PPP1R14C: variants seen among roughly 807,000 people sequenced by gnomAD.
The protein encoded by PPP1R14C is protein phosphatase 1 regulatory inhibitor subunit 14C.
Under a neutral mutation model 20.4 loss-of-function variants are expected in PPP1R14C, and 16 were observed. The observed-to-expected ratio is 0.78, with a 90% CI of 0.53 to 1.19. PPP1R14C has a LOEUF of 1.19. PPP1R14C is among the 50% of genes most tolerant of loss of function. The probability of loss-of-function intolerance (pLI) is 0.00; values close to 1 mark genes in which losing one functional copy is unlikely to be tolerated. For synonymous variants in PPP1R14C, 91 were observed against 91.0 expected (o/e 1.00, Z 0.00); for missense variants, 211 against 220.1 (o/e 0.96, Z 0.26).
chr6:150,203,622 A>G (rs1204055363), intron 1 of PPP1R14C, among the ~76,000 whole-genome samples: 1 of 152,118 alleles, frequency 6.6e-6, no homozygotes, highest in Non-Finnish European at 1.5e-5. Context: ...TGTGTTAGGA[A>G]ATCTAACACT....
rs567638617 is a variant in PPP1R14C at position 150,237,572 on chromosome 6, A to G, written c.424-11174A>G. 5.3e-5 allele frequency among the ~76,000 whole-genome samples: 8 copies of G among 152,208 alleles called. 1 individual carries two copies. Among genetic ancestry groups the G allele is most frequent in the Admixed American group, 5.2e-4 (8 of 15,296 alleles). The stretch of plus-strand genomic sequence containing the variant: ...AGTGTAGTCTGATGATGATGATGAT[A>G]ACGATGATGACAGTATCAAGCACTT... On this transcript the variant is annotated intron_variant, in intron 3 of 3. Coordinates refer to ENST00000361131, the MANE Select transcript of PPP1R14C (RefSeq NM_030949.3).
chr6:150,149,903 C>G (rs189660918), intron 1 of PPP1R14C, among the ~76,000 whole-genome samples: 27 of 152,262 alleles, frequency 1.8e-4, no homozygotes, highest in Non-Finnish European at 3.4e-4. Context: ...ACTGTTCCTC[C>G]TGTTTCTAGA....
chr6:150,236,271 C>T (rs536159798), intron 3 of PPP1R14C, among the ~76,000 whole-genome samples: 3 of 151,218 alleles, frequency 2.0e-5, no homozygotes, highest in African/African-American at 4.9e-5. Flanking sequence ...GAAAGGTGCC[C>T]AGTAAGTATG....
At chr6:150,218,344 A>T (rs942120476) in intron 3 of PPP1R14C, among the ~76,000 whole-genome samples, 2 of 152,102 alleles carry the variant, frequency 1.3e-5, no homozygotes, top group Non-Finnish European at 2.9e-5. Flanking sequence ...CGGAGCTTGC[A>T]GTGAGCCGAG....
chr6:150,196,219 G>A, intron 1 of PPP1R14C: 4 of 630,372 alleles, frequency 6.3e-6, no homozygotes, highest in Non-Finnish European at 7.9e-6. Flanking sequence ...TGGTCATTGA[G>A]GGCAACTGGG....
intron 3 of PPP1R14C, among the ~76,000 whole-genome samples, chr6:150,227,584 T>C (rs537717271): frequency 3.3e-5 from 5 of 152,216 alleles, no homozygotes; most frequent in African/African-American, 1.2e-4. Flanking sequence ...TCCTTTCTTA[T>C]GTCAGACCCT....
chr6:150,244,852 G>A (rs1481639801), intron 3 of PPP1R14C, among the ~76,000 whole-genome samples: 3 of 151,842 alleles, frequency 2.0e-5, no homozygotes, highest in Non-Finnish European at 2.9e-5. Context: ...TTTCAGGCTG[G>A]TATCTCCAGG....
intron 1 of PPP1R14C, among the ~76,000 whole-genome samples, chr6:150,144,206 G>A (rs769308487): frequency 2.0e-5 from 3 of 152,224 alleles, no homozygotes; most frequent in Non-Finnish European, 4.4e-5. Flanking sequence ...CTCGACGGGT[G>A]CCTCGGTGGA....
intron 1 of PPP1R14C, among the ~76,000 whole-genome samples, chr6:150,154,759 G>A (rs996986109): frequency 1.3e-5 from 2 of 152,044 alleles, no homozygotes; most frequent in Non-Finnish European, 2.9e-5. Flanking sequence ...GCTTGGGTAG[G>A]GACTAGAACG....
intron 3 of PPP1R14C, among the ~76,000 whole-genome samples, chr6:150,238,816 T>G (rs1466557552): frequency 6.6e-6 from 1 of 152,260 alleles, no homozygotes; most frequent in Non-Finnish European, 1.5e-5. Flanking sequence ...ATTTGCTTGG[T>G]GATCGTAGGC....
At chr6:150,151,269 C>T (rs1777244212) in intron 1 of PPP1R14C, among the ~76,000 whole-genome samples, 1 of 152,160 alleles carries the variant, frequency 6.6e-6, no homozygotes, top group Non-Finnish European at 1.5e-5. Context: ...TTCTCATCTT[C>T]CTTAGGAAAC....
In PPP1R14C at chr6:150,143,066, C is replaced by T; in HGVS notation, c.-127C>T. The T allele has an allele frequency of 9.2e-7, 1 of 1,082,846 alleles. No individual in the cohort carries two copies. The highest frequency in any genetic ancestry group is 5.2e-5 in the Admixed American group (1 of 19,318). The allele number at this position is 1,082,846 out of a possible 1,614,324, so 67.1% of individuals were successfully genotyped here. On this transcript the variant is annotated 5_prime_UTR_variant, in exon 1 of 4. Coordinates refer to ENST00000361131, the MANE Select transcript of PPP1R14C (RefSeq NM_030949.3). This position sits in a 1 kb window ranked among gnomAD's most constrained non-coding sequence, Gnocchi z 5.6. ...CCCAGAGCAGCCGGGCGGCTGGGCG[C>T]GCGCGGCGCAGAGCAGGTGCCGGGG... is the stretch of plus-strand genomic sequence containing the variant.
intron 1 of PPP1R14C, among the ~76,000 whole-genome samples, chr6:150,149,675 G>A (rs1777223391): frequency 6.6e-6 from 1 of 152,124 alleles, no homozygotes; most frequent in South Asian, 2.1e-4. Flanking sequence ...GAGACACCAA[G>A]CATAGTACTT....
At chr6:150,237,265 G>A (rs1479453709) in intron 3 of PPP1R14C, among the ~76,000 whole-genome samples, 5 of 152,128 alleles carry the variant, frequency 3.3e-5, no homozygotes, top group African/African-American at 1.2e-4. Flanking sequence ...GTGCAATGGT[G>A]TGATCTCAGC....
intron 1 of PPP1R14C, among the ~76,000 whole-genome samples, chr6:150,186,680 G>T (rs924924547): frequency 1.3e-5 from 2 of 152,200 alleles, no homozygotes; most frequent in African/African-American, 2.4e-5. Context: ...CCAAGGTGGG[G>T]TCAGGGCCTG....
intron 1 of PPP1R14C, among the ~76,000 whole-genome samples, chr6:150,167,972 C>CCCCT: frequency 2.0e-5 from 3 of 149,896 alleles, no homozygotes; most frequent in Middle Eastern, 3.5e-3. Flanking sequence ...CCCTCTTTCT[C>CCCCT]TCCTTCTCTC....
chr6:150,216,993 A>G (rs1022373850), intron 3 of PPP1R14C, 137 bp downstream of exon 3: 7 of 624,974 alleles, frequency 1.1e-5, no homozygotes, highest in Admixed American at 3.3e-5. Context: ...ATGAGTGCAT[A>G]TGTTTGAATA....
chr6:150,143,644 T>G lies in PPP1R14C; in HGVS notation c.306+146T>G. ...CAGGAGCGAGGCGCGGCGCCTTCTC[T>G]CCCCCGCGGTGCCCTCTGGCGTCGG... On this transcript the variant is annotated intron_variant, in intron 1 of 3. Transcript: ENST00000361131. This position sits in a 1 kb window ranked among gnomAD's most constrained non-coding sequence, Gnocchi z 5.6. The G allele has an allele frequency of 1.6e-6, 1 of 627,524 alleles. No individual in the cohort carries two copies. The highest frequency in any genetic ancestry group is 2.6e-6 in the Non-Finnish European group (1 of 377,754). The allele number at this position is 627,524 out of a possible 1,614,324, so 38.9% of individuals were successfully genotyped here.
At chr6:150,238,465 A>T (rs1379810174) in intron 3 of PPP1R14C, among the ~76,000 whole-genome samples, 1 of 152,240 alleles carries the variant, frequency 6.6e-6, no homozygotes, top group East Asian at 1.9e-4. Flanking sequence ...GTGAACACAG[A>T]GGTCTTTCGA....
Sources: gnomAD v4.1 joint callset for allele counts (sites outside exome capture counted in the v4.1 genomes callset) on GRCh38, gnomAD v4.1.1 for gene constraint, Gnocchi (gnomAD v3.1) non-coding constraint, MANE v1.5 for transcripts, NCBI Gene and HGNC (gene_info 2026-07-23, HGNC 2026-07-21) for gene names.